The following FBXO36 variants were observed in gnomAD, a reference collection of about 807,000 sequenced individuals.
The protein encoded by FBXO36 is F-box only protein 36.
FBXO36 carries 18 observed loss-of-function variants against 17.0 expected under a neutral mutation model. The observed-to-expected ratio is 1.06, with a 90% CI of 0.73 to 1.57. The LOEUF is 1.57. FBXO36 is among the 40% of genes most tolerant of loss of function. The pLI is 0.00. For missense variants in FBXO36, 229 were observed against 221.9 expected, an observed-to-expected ratio of 1.03 and a Z score of -0.20; for synonymous variants, 83 against 85.3, an observed-to-expected ratio of 0.97 and a Z score of 0.15.
chr2:229,978,504 T>C (rs1402999544), intron 2 of FBXO36, among the ~76,000 whole-genome samples: 2 of 151,934 alleles, frequency 1.3e-5, no homozygotes, highest in African/African-American at 2.4e-5. Context: ...GGATAATTGC[T>C]TGAACCCAGG....
At chr2:229,930,378 T>G (rs572524487) in intron 1 of FBXO36, among the ~76,000 whole-genome samples, 2 of 152,182 alleles carry the variant, frequency 1.3e-5, no homozygotes, top group African/African-American at 2.4e-5. Context: ...CTCTGTTGTT[T>G]GTGTTGATTT....
intron 1 of FBXO36, among the ~76,000 whole-genome samples, chr2:229,955,322 T>A (rs1420496551): frequency 6.6e-6 from 1 of 152,082 alleles, no homozygotes; most frequent in Non-Finnish European, 1.5e-5. Context: ...GTGGGCAGAT[T>A]GTTTGAGCCT....
rs934786036 is a variant in FBXO36 at position 230,012,910 on chromosome 2, A to G, written c.*2026A>G. ...AATCAATAAGAACATAAATATGGCA[A>G]TTTGAAAACACTATGTATATACCTA... On this transcript the variant is annotated 3_prime_UTR_variant, in exon 4 of 4. Coordinates refer to ENST00000283946, the MANE Select transcript of FBXO36 (RefSeq NM_174899.5). 8 of 151,648 alleles carry G rather than the reference A, an allele frequency of 5.3e-5. No individual in the cohort carries two copies. The highest frequency in any genetic ancestry group is 1.9e-4 in the African/African-American group (8 of 41,494). The allele number at this position is 151,648 out of a possible 1,614,324, so 9.4% of individuals were successfully genotyped here.
intron 2 of FBXO36, among the ~76,000 whole-genome samples, chr2:229,992,804 G>A (rs989997829): frequency 4.6e-5 from 7 of 152,320 alleles, no homozygotes; most frequent in African/African-American, 1.7e-4. Context: ...GCATGGGGTT[G>A]AATGGCACCT....
chr2:229,931,324 TTAA>T lies in FBXO36; in HGVS notation c.96+8717_96+8719del, dbSNP rs1385949890. Among the ~76,000 whole-genome samples, 10 of 152,244 alleles carry T rather than the reference TTAA, an allele frequency of 6.6e-5. No individual in the cohort carries two copies. In the East Asian group the frequency reaches 1.7e-3, roughly 26 times the overall value. ...GTGAGTGCCTGCTCAATCTGGGCAG[TTAA>T]TTTGGTCTCACCCTACAGTGACACA... is the stretch of plus-strand genomic sequence containing the variant. On this transcript the variant is annotated intron_variant, in intron 1 of 3. Coordinates refer to ENST00000283946, the MANE Select transcript of FBXO36 (RefSeq NM_174899.5).
At chr2:229,954,231 T>C (rs2077072137) in intron 1 of FBXO36, among the ~76,000 whole-genome samples, 1 of 126,524 alleles carries the variant, frequency 7.9e-6, no homozygotes, top group African/African-American at 3.0e-5. Flanking sequence ...ACAAACCCTT[T>C]GGATTTTTTT....
chr2:229,998,800 ATT>A (rs1157314161), intron 3 of FBXO36, among the ~76,000 whole-genome samples: 24 of 132,132 alleles, frequency 1.8e-4, no homozygotes, highest in East Asian at 2.2e-4. Context: ...AAAAAACATA[ATT>A]TTTTTTTTTT....
chr2:230,011,129 T>A lies in FBXO36; in HGVS notation c.*245T>A. 1 of 435,060 alleles carries A rather than the reference T, an allele frequency of 2.3e-6. No individual in the cohort carries two copies. The highest frequency in any genetic ancestry group is 3.9e-5 in the East Asian group (1 of 25,938). The allele number at this position is 435,060 out of a possible 1,614,324, so 26.9% of individuals were successfully genotyped here. On this transcript the variant is annotated 3_prime_UTR_variant, in exon 4 of 4. Transcript: ENST00000283946. ...AAGGGCTGTAAGACAGGGAGCCCCA[T>A]AGGCCATCATCATCCTTATCCCACA...
intron 1 of FBXO36, among the ~76,000 whole-genome samples, chr2:229,935,729 C>A (rs1335416595): frequency 6.6e-6 from 1 of 152,110 alleles, no homozygotes; most frequent in Non-Finnish European, 1.5e-5. Flanking sequence ...ATCCTAAAAT[C>A]AGCAGCAAGA....
At chr2:229,940,821 TC>T (rs903778278) in intron 1 of FBXO36, among the ~76,000 whole-genome samples, 25 of 152,150 alleles carry the variant, frequency 1.6e-4, no homozygotes, top group Admixed American at 5.2e-4. Flanking sequence ...TGGACTTCTA[TC>T]CCCAGAATCG....
intron 2 of FBXO36, among the ~76,000 whole-genome samples, chr2:229,988,833 T>G (rs1275094455): frequency 1.3e-5 from 2 of 150,144 alleles, no homozygotes; most frequent in African/African-American, 2.4e-5. Context: ...GGCCTGTTTT[T>G]TTTTTTTTTT....
At chr2:229,943,455 C>T (rs75679599) in intron 1 of FBXO36, among the ~76,000 whole-genome samples, 2,337 of 152,092 alleles carry the variant, frequency 0.015, 48 homozygotes, top group Non-Finnish European at 0.024. Flanking sequence ...GGCTGTGGGA[C>T]GGGCAGTGTG....
chr2:229,954,289 C>T (rs2077073405), intron 1 of FBXO36, among the ~76,000 whole-genome samples: 1 of 114,452 alleles, frequency 8.7e-6, no homozygotes, highest in Admixed American at 1.3e-4. Flanking sequence ...GCTTCCCAGG[C>T]TGGAATGCAA....
intron 1 of FBXO36, chr2:229,945,132 A>G (rs1258724293): frequency 1.3e-5 from 2 of 152,078 alleles, no homozygotes; most frequent in Admixed American, 6.6e-5. Context: ...TTGGGAGTAG[A>G]GTGGGGGAAG....
intron 1 of FBXO36, among the ~76,000 whole-genome samples, chr2:229,947,617 A>G (rs1358638561): frequency 6.6e-6 from 1 of 152,216 alleles, no homozygotes; most frequent in Admixed American, 6.5e-5. Flanking sequence ...TTCTTATTAG[A>G]TTTTGTCATG....
intron 1 of FBXO36, among the ~76,000 whole-genome samples, chr2:229,950,995 G>T (rs547362839): frequency 6.6e-6 from 1 of 152,286 alleles, no homozygotes; most frequent in Non-Finnish European, 1.5e-5. Flanking sequence ...GTGCAGTGTT[G>T]TGATCTTGGC....
At chr2:229,935,468 G>T (rs144246200) in intron 1 of FBXO36, among the ~76,000 whole-genome samples, 1,666 of 152,144 alleles carry the variant, frequency 0.011, 16 homozygotes, top group Middle Eastern at 0.027. Flanking sequence ...AGCCAAGATC[G>T]CACCATCACA....
chr2:229,985,162 G>A (rs1038730728), intron 2 of FBXO36, among the ~76,000 whole-genome samples: 1 of 152,158 alleles, frequency 6.6e-6, no homozygotes, highest in Non-Finnish European at 1.5e-5. Context: ...ACTCTTGAAA[G>A]AATTTTAAGT....
chr2:230,010,563 AGAG>A (rs2077410171), intron 3 of FBXO36, 130 bp from the exon 4 acceptor site: 6 of 711,456 alleles, frequency 8.4e-6, no homozygotes, highest in Non-Finnish European at 1.4e-5. Flanking sequence ...TTTTCCTCAA[AGAG>A]GAGGTTTCTC....
Sources: allele counts gnomAD v4.1 joint callset (sites outside exome capture counted in the v4.1 genomes callset), GRCh38; gene constraint gnomAD v4.1.1; transcripts MANE v1.5; gene names NCBI Gene and HGNC (gene_info 2026-07-23, HGNC 2026-07-21).